Variants in BBX observed in about 807,000 individuals in gnomAD.
BBX encodes HMG box transcription factor BBX.
A neutral mutation model predicts 100.2 loss-of-function variants in BBX; 30 were observed. The observed-to-expected ratio is 0.30, with a 90% CI of 0.22 to 0.41. The LOEUF (loss-of-function observed/expected upper bound fraction) is 0.41. BBX is among the 10% of genes least tolerant of loss of function. BBX has a pLI of 1.00. For missense variants in BBX, 1,023 were observed against 1,129.8 expected, an observed-to-expected ratio of 0.91 and a Z score of 1.35; for synonymous variants, 376 against 388.1, an observed-to-expected ratio of 0.97 and a Z score of 0.37.
At chr3:107,702,193 C>T (rs1172562689) in intron 3 of BBX, among the ~76,000 whole-genome samples, 1 of 152,116 alleles carries the variant, frequency 6.6e-6, no homozygotes, top group Non-Finnish European at 1.5e-5. Context: ...TATTACTGGA[C>T]CATTTGTGAA....
intron 3 of BBX, among the ~76,000 whole-genome samples, chr3:107,655,675 A>C (rs1450199564): frequency 6.7e-6 from 1 of 150,092 alleles, no homozygotes; most frequent in Non-Finnish European, 1.5e-5. Context: ...GTGCCACCAC[A>C]CCTGGCTAAG....
At chr3:107,647,841 C>T (rs2107794275) in intron 3 of BBX, among the ~76,000 whole-genome samples, 1 of 152,230 alleles carries the variant, frequency 6.6e-6, no homozygotes, top group South Asian at 2.1e-4. Flanking sequence ...CATTCTTGGA[C>T]CAAAGCTGAA....
At chr3:107,557,866 C>T (rs985791212) in intron 2 of BBX, among the ~76,000 whole-genome samples, 1 of 152,178 alleles carries the variant, frequency 6.6e-6, no homozygotes, top group African/African-American at 2.4e-5. Flanking sequence ...AGATAGACTC[C>T]TATGGTCAAG....
intron 17 of BBX, among the ~76,000 whole-genome samples, chr3:107,805,031 G>T (rs945722085): frequency 5.3e-5 from 8 of 152,118 alleles, no homozygotes; most frequent in Admixed American, 5.2e-4. Context: ...ACTTCTTAAA[G>T]AGTTGCCCCA....
intron 2 of BBX, among the ~76,000 whole-genome samples, chr3:107,614,162 G>A (rs1383123936): frequency 1.3e-5 from 2 of 151,914 alleles, no homozygotes; most frequent in Non-Finnish European, 2.9e-5. Flanking sequence ...CTTTTGGCCA[G>A]GATGGTCTTG....
intron 2 of BBX, among the ~76,000 whole-genome samples, chr3:107,618,349 G>A (rs1457503155): frequency 6.6e-6 from 1 of 151,868 alleles, no homozygotes; most frequent in Non-Finnish European, 1.5e-5. Context: ...CATCATCTTT[G>A]TCTGGTGTTA....
At chr3:107,735,817 C>G (rs1270106715) in intron 7 of BBX, among the ~76,000 whole-genome samples, 1 of 151,700 alleles carries the variant, frequency 6.6e-6, no homozygotes, top group South Asian at 2.1e-4. Context: ...TTTTTTCTGT[C>G]TTCTGATCAA....
intron 6 of BBX, among the ~76,000 whole-genome samples, chr3:107,730,670 G>C (rs1294159928): frequency 6.6e-6 from 1 of 152,106 alleles, no homozygotes; most frequent in Non-Finnish European, 1.5e-5. Context: ...TTACAGATCG[G>C]TATTTAAGAT....
chr3:107,547,189 A>G (rs2049301880), intron 2 of BBX, among the ~76,000 whole-genome samples: 3 of 152,194 alleles, frequency 2.0e-5, no homozygotes, highest in Admixed American at 1.3e-4. Flanking sequence ...ATAGCTTTGA[A>G]TCTCAGCTGT....
chr3:107,589,400 C>G (rs1378394757), intron 2 of BBX, among the ~76,000 whole-genome samples: 1 of 152,164 alleles, frequency 6.6e-6, no homozygotes, highest in Non-Finnish European at 1.5e-5. Flanking sequence ...ATTCTGAACT[C>G]TTTTTCTGTT....
chr3:107,735,672 A>T (rs932584047), intron 7 of BBX, among the ~76,000 whole-genome samples: 1 of 151,952 alleles, frequency 6.6e-6, no homozygotes, highest in Non-Finnish European at 1.5e-5. Context: ...TGTAACTGAA[A>T]TAATAAAGTC....
chr3:107,789,808 A>T lies in BBX; in HGVS notation c.2225A>T (p.Lys742Met). 1 of 1,546,684 alleles carries T rather than the reference A, an allele frequency of 6.5e-7. No homozygotes were observed. Among genetic ancestry groups the T allele is most frequent in the Non-Finnish European group, 8.7e-7 (1 of 1,142,884 alleles). ...TSKGPFQSQK[K>M]NLFHKIVSKY... ...GTAGGTCCTTTCCAGTCTCAGAAAA[A>T]GAACTTATTCCACAAAATTGTCAGC... is the stretch of plus-strand genomic sequence containing the variant. Residue 742 changes from lysine to methionine, a missense_variant, in exon 14 of 18, where the codon AAG (lysine) becomes ATG (methionine). Physicochemically the swap from Lys to Met is moderately conservative, Grantham distance 95 (BLOSUM62 -1). Around this residue, in one of 9 missense-constraint regions of BBX, gnomAD observed 215 missense variants for 211.3 expected, o/e 1.02. Transcript: ENST00000325805.
At chr3:107,659,630 G>C (rs2058338297) in intron 3 of BBX, 4 of 790,122 alleles carry the variant, frequency 5.1e-6, no homozygotes. Context: ...CTAATAAGTG[G>C]CAAAGCTGGA....
chr3:107,532,540 A>G (rs776476150), intron 2 of BBX, among the ~76,000 whole-genome samples: 12 of 152,206 alleles, frequency 7.9e-5, no homozygotes, highest in Non-Finnish European at 1.3e-4. Context: ...ATTACATTGC[A>G]CAAAATAGGC....
At chr3:107,786,091 A>G (rs1296900769) in intron 13 of BBX, among the ~76,000 whole-genome samples, 1 of 152,150 alleles carries the variant, frequency 6.6e-6, no homozygotes, top group South Asian at 2.1e-4. Flanking sequence ...TAGCATCAAA[A>G]AGAGTAAAGT....
At chr3:107,664,150 A>G (rs1386759699) in intron 3 of BBX, among the ~76,000 whole-genome samples, 1 of 151,588 alleles carries the variant, frequency 6.6e-6, no homozygotes, top group African/African-American at 2.4e-5. Context: ...CATTGGAAAT[A>G]AAGCAGCAGA....
chr3:107,738,811 C>T (rs1262537526), intron 7 of BBX, among the ~76,000 whole-genome samples: 1 of 152,140 alleles, frequency 6.6e-6, no homozygotes, highest in Non-Finnish European at 1.5e-5. Flanking sequence ...GCACTGTGTT[C>T]ACAGTTGACA....
intron 2 of BBX, among the ~76,000 whole-genome samples, chr3:107,619,459 T>C (rs1487996244): frequency 6.6e-6 from 1 of 152,136 alleles, no homozygotes; most frequent in Non-Finnish European, 1.5e-5. Context: ...GTATTCTAAT[T>C]TGTTTCAGTC....
chr3:107,755,858 C>T lies in BBX; in HGVS notation c.906+180C>T, dbSNP rs182643043. Among the ~76,000 whole-genome samples, 33 of 152,260 alleles carry T rather than the reference C, an allele frequency of 2.2e-4. No homozygotes were observed. In the East Asian group the frequency reaches 6.4e-3, roughly 29 times the overall value. On this transcript the variant is annotated intron_variant, in intron 10 of 17. Coordinates refer to ENST00000325805, the MANE Select transcript of BBX (RefSeq NM_001142568.3). ...AAAACTGAATTTTGCTACTAAGAGT[C>T]ATTAAGCATTGCTAAAGGTTACCTA...
Sources: allele counts gnomAD v4.1 joint callset (sites outside exome capture counted in the v4.1 genomes callset), GRCh38; gene constraint gnomAD v4.1.1; regional missense constraint gnomAD v4.1.1; transcripts MANE v1.5; gene names NCBI Gene and HGNC (gene_info 2026-07-23, HGNC 2026-07-21).